LMF1: variants seen among roughly 807,000 people sequenced by gnomAD.
LMF1 encodes lipase maturation factor 1.
In LMF1, 68 loss-of-function variants were observed where a neutral mutation model predicts 60.6. The observed-to-expected ratio is 1.12, with a 90% confidence interval of 0.92 to 1.37. The LOEUF is 1.37. Ranked by LOEUF, LMF1 falls within the 40% of genes most tolerant of loss-of-function variation. The pLI, the probability that LMF1 is intolerant of heterozygous loss-of-function variation, is 0.00. For synonymous variants in LMF1, 418 were observed against 324.7 expected, an observed-to-expected ratio of 1.29 and a Z score of -3.09; for missense variants, 948 against 767.2, an observed-to-expected ratio of 1.24 and a Z score of -2.78.
At chr16:883,336 C>T (rs748693200) in intron 5 of LMF1, among the ~76,000 whole-genome samples, 1 of 152,114 alleles carries the variant, frequency 6.6e-6, no homozygotes, top group Non-Finnish European at 1.5e-5. Flanking sequence ...AGCCGCCCAG[C>T]GAAGCCCATC....
At position 869,982 on chromosome 16, in the gene LMF1, G is replaced by A. The variant is rs121909397; in HGVS notation, c.1317C>T (p.Tyr439=). The change falls in exon 9 of 11, where the codon TAC becomes TAT. Residue 439 remains tyrosine (Y), a synonymous_variant. Coordinates refer to ENST00000262301, the MANE Select transcript of LMF1 (RefSeq NM_022773.4). ...ASAPDAMWED[Y]EFKCKPGDPS... The stretch of plus-strand genomic sequence containing the variant: ...GGTCACCTGGCTTGCACTTGAACTC[G>A]TAGTCCTCCCACATGGCATCGGGGG... 175 of 1,613,190 alleles carry A rather than the reference G, an allele frequency of 1.1e-4. No individual in the cohort carries two copies. Among genetic ancestry groups the A allele is most frequent in the East Asian group, 1.0e-3 (47 of 44,898 alleles).
At chr16:889,120 C>A (rs2070400490) in intron 5 of LMF1, among the ~76,000 whole-genome samples, 1 of 152,200 alleles carries the variant, frequency 6.6e-6, no homozygotes, top group African/African-American at 2.4e-5. Context: ...AGCTGCAGGG[C>A]ACCCTGGTGG....
chr16:936,494 G>C (rs1435297310), intron 2 of LMF1, among the ~76,000 whole-genome samples: 3 of 143,794 alleles, frequency 2.1e-5, no homozygotes, highest in South Asian at 2.3e-4. Flanking sequence ...CTGGGAGAGA[G>C]AGGAGGCACC....
chr16:911,937 C>T (rs2071135036), intron 3 of LMF1, among the ~76,000 whole-genome samples: 1 of 152,166 alleles, frequency 6.6e-6, no homozygotes, highest in Admixed American at 6.5e-5. Flanking sequence ...ACTGGAAACC[C>T]AGCATAAGAA....
intron 2 of LMF1, among the ~76,000 whole-genome samples, chr16:942,112 T>C (rs2072114772): frequency 6.6e-6 from 1 of 152,212 alleles, no homozygotes; most frequent in Non-Finnish European, 1.5e-5. Context: ...CAAAGCCTTC[T>C]CTCAGTTTTC....
intron 9 of LMF1, 67 bp downstream of exon 9, chr16:869,816 G>T: frequency 6.6e-7 from 1 of 1,507,828 alleles, no homozygotes; most frequent in Non-Finnish European, 9.0e-7. Flanking sequence ...CTAGAAACCT[G>T]CCATCTATGG....
intron 2 of LMF1, among the ~76,000 whole-genome samples, chr16:937,138 C>G (rs2071970336): frequency 2.0e-5 from 3 of 152,204 alleles, no homozygotes; most frequent in Admixed American, 1.3e-4. Flanking sequence ...TGTCACTTCA[C>G]CTGCTTTGAA....
intron 1 of LMF1, among the ~76,000 whole-genome samples, chr16:969,969 T>C (rs2073006715): frequency 6.6e-6 from 1 of 152,164 alleles, no homozygotes; most frequent in Non-Finnish European, 1.5e-5. Flanking sequence ...GAACTGACTT[T>C]TCTCAGAGCT....
At chr16:919,468 C>T (rs995681127) in intron 3 of LMF1, among the ~76,000 whole-genome samples, 1 of 93,696 alleles carries the variant, frequency 1.1e-5, no homozygotes, top group Non-Finnish European at 2.0e-5. Flanking sequence ...ATATCTCCAG[C>T]GCTCGCGTGA....
intron 10 of LMF1, among the ~76,000 whole-genome samples, chr16:865,694 G>T (rs981564584): frequency 1.3e-5 from 2 of 152,118 alleles, no homozygotes; most frequent in Non-Finnish European, 2.9e-5. Flanking sequence ...GCCAAATTTG[G>T]GAAGTTTTCA....
At chr16:957,454 T>C (rs917141231) in intron 1 of LMF1, among the ~76,000 whole-genome samples, 1 of 152,126 alleles carries the variant, frequency 6.6e-6, no homozygotes, top group African/African-American at 2.4e-5. Context: ...AAGATCTAAC[T>C]ATATGAAGAG....
chr16:865,934 T>C lies in LMF1; in HGVS notation c.1529+3010A>G, dbSNP rs2069598335. On this transcript the variant is annotated intron_variant, in intron 10 of 10. Transcript: ENST00000262301. The stretch of plus-strand genomic sequence containing the variant: ...CCTCACCATTCAGATGTCGAGTGTT[T>C]TGTGTCAGTTATATTTTTCACTTCT... 3.9e-5 allele frequency among the ~76,000 whole-genome samples: 6 copies of C among 152,364 alleles called. 1 individual carries two copies. In the South Asian group the frequency reaches 1.2e-3, roughly 32 times the overall value.
Position 868,896 on chromosome 16 carries a change from C to A in LMF1, c.1529+48G>T, listed in dbSNP as rs781591561. The A allele has an allele frequency of 1.1e-5, 13 of 1,237,532 alleles. No homozygotes were observed. In the South Asian group the frequency reaches 1.3e-4, roughly 13 times the overall value. The allele number at this position is 1,237,532 out of a possible 1,614,324, so 76.7% of individuals were successfully genotyped here. A position where few individuals can be genotyped will look rare whatever the true frequency, so the allele number is the denominator to read the frequency against. On this transcript the variant is annotated intron_variant, in intron 10 of 10. Coordinates refer to ENST00000262301, the MANE Select transcript of LMF1 (RefSeq NM_022773.4). ...ACAGGTGGTGGGATCCCAGCAGACA[C>A]CTGGATTTGGGGGAGACCCCTGAGC...
chr16:922,989 G>A (rs1238150273), intron 3 of LMF1, among the ~76,000 whole-genome samples: 3 of 114,444 alleles, frequency 2.6e-5, no homozygotes, highest in Admixed American at 8.7e-5. Flanking sequence ...CTGGGTTTTC[G>A]GGTGTGATGT....
chr16:928,168 A>G (rs2071665429), intron 3 of LMF1, among the ~76,000 whole-genome samples: 1 of 152,176 alleles, frequency 6.6e-6, no homozygotes, highest in African/African-American at 2.4e-5. Context: ...GTTGCTGCTG[A>G]GATTCATTCC....
At chr16:955,605 C>T (rs118137891) in intron 1 of LMF1, among the ~76,000 whole-genome samples, 9,582 of 152,298 alleles carry the variant, frequency 0.063, 370 homozygotes, top group Non-Finnish European at 0.089. Context: ...CTGCAGCAGA[C>T]GCAGTGTGTG....
chr16:900,704 TG>T (rs2070786023), intron 4 of LMF1: 1 of 150,034 alleles, frequency 6.7e-6, no homozygotes, highest in Admixed American at 6.6e-5. Flanking sequence ...TGTGTGTGTG[TG>T]TGTGTGTGTG....
At chr16:868,042 C>T (rs1043527425) in intron 10 of LMF1, among the ~76,000 whole-genome samples, 7 of 152,228 alleles carry the variant, frequency 4.6e-5, no homozygotes, top group East Asian at 3.9e-4. Context: ...CGGCTGATGG[C>T]GCAGGGGAGG....
chr16:869,900 ACAT>A lies in LMF1; in HGVS notation c.1396_1398del (p.Met466del), dbSNP rs1202964811. On this transcript the variant is annotated inframe_deletion, in exon 9 of 11. Transcript: ENST00000262301. The stretch of plus-strand genomic sequence containing the variant: ...TCCCCCACCTGGAAGGCCGCGAACC[ACAT>A]CAGCCAGTCCAGGCGGTAGTGGTAC... 1 of 1,612,456 alleles carries A rather than the reference ACAT, an allele frequency of 6.2e-7. No homozygotes were observed. Among genetic ancestry groups the A allele is most frequent in the African/African-American group, 1.3e-5 (1 of 74,920 alleles).
Sources: allele counts gnomAD v4.1 joint callset (sites outside exome capture counted in the v4.1 genomes callset), GRCh38; gene constraint gnomAD v4.1.1; transcripts MANE v1.5; gene names NCBI Gene and HGNC (gene_info 2026-07-23, HGNC 2026-07-21).